Variants in RFX7 observed in about 807,000 individuals in gnomAD.
The protein encoded by RFX7 is regulatory factor X7, also known as DNA-binding protein RFX7.
Under a neutral mutation model 111.8 loss-of-function variants are expected in RFX7, and 26 were observed. The ratio of observed to expected loss-of-function variants is 0.23; its 90% CI spans 0.17 to 0.32. The LOEUF (loss-of-function observed/expected upper bound fraction) is 0.32, where lower values mean the gene tolerates loss of function less well. Among genes scored for constraint, RFX7 ranks in the 10% least tolerant of loss-of-function variants. The pLI is 1.00. For synonymous variants in RFX7, 624 were observed against 624.4 expected (o/e 1.00, Z 0.01); for missense variants, 1,573 against 1,772.9 (o/e 0.89, Z 2.02).
In RFX7 at chr15:56,177,813, T is replaced by C. The variant is rs561463972; in HGVS notation, c.195+1457A>G. Reference sequence around the variant, plus strand: ...TGATAAACATGAAATAATTACAGAATGACACATTAACAATGAGACTCTTAA... The same window carrying C: ...TGATAAACATGAAATAATTACAGAACGACACATTAACAATGAGACTCTTAA... On this transcript the variant is annotated intron_variant, in intron 3 of 9. Transcript: ENST00000559447. Among the ~76,000 whole-genome samples, 107 of 152,180 alleles carry C rather than the reference T, an allele frequency of 7.0e-4. No homozygotes were observed. In the South Asian group the frequency reaches 0.013, roughly 19 times the overall value.
chr15:56,095,527 G>A lies in RFX7; in HGVS notation c.2201C>T (p.Ser734Phe), dbSNP rs2041662161. 2 of 1,613,522 alleles carry A rather than the reference G, an allele frequency of 1.2e-6. No homozygotes were observed. The highest frequency in any genetic ancestry group is 4.5e-5 in the East Asian group (2 of 44,878). ...SHIGANQPLN[S>F]SALVISDSAL... ...TGAATCACTGATAACAAGGGCAGAGGAATTCAAGGGTTGATTTGCTCCTAT... is the reference window on the plus strand; with the variant it reads ...TGAATCACTGATAACAAGGGCAGAGAAATTCAAGGGTTGATTTGCTCCTAT... The change falls in exon 10 of 10, where the codon TCC becomes TTC. Residue 734 changes from serine (S) to phenylalanine (F), a missense_variant. Physicochemically the swap from Ser to Phe is radical, Grantham distance 155. This residue lies in a region of RFX7 where 625 missense variants were observed against 632.2 expected (regional missense o/e 0.99). Coordinates refer to ENST00000559447, the MANE Select transcript of RFX7 (RefSeq NM_022841.7).
At chr15:56,162,238 CAGGT>C (rs1221164559) in intron 3 of RFX7, among the ~76,000 whole-genome samples, 1 of 152,062 alleles carries the variant, frequency 6.6e-6, no homozygotes, top group Non-Finnish European at 1.5e-5. Context: ...CCTTAACAAA[CAGGT>C]AGGCCATTGA....
chr15:56,119,086 A>G (rs1250751278), intron 5 of RFX7, among the ~76,000 whole-genome samples: 1 of 152,182 alleles, frequency 6.6e-6, no homozygotes, highest in Non-Finnish European at 1.5e-5. Context: ...TATTCTGGTT[A>G]TTAATCCCTT....
rs145422963 is a variant in RFX7 at position 56,128,867 on chromosome 15, G to A, written c.401+13911C>T. 1.1e-3 allele frequency among the ~76,000 whole-genome samples: 174 copies of A among 151,762 alleles called. 1 individual carries two copies. The highest frequency in any genetic ancestry group is 3.9e-3 in the African/African-American group (161 of 41,374). On this transcript the variant is annotated intron_variant, in intron 5 of 9. Transcript: ENST00000559447. Reference sequence around the variant, plus strand: ...AAAGGTGAGCAAAATTGCAGGATACGAGATCAATATACAAAATCACTCTTA... The same window carrying A: ...AAAGGTGAGCAAAATTGCAGGATACAAGATCAATATACAAAATCACTCTTA...
chr15:56,135,997 C>T (rs1440166003), intron 5 of RFX7, among the ~76,000 whole-genome samples: 1 of 152,064 alleles, frequency 6.6e-6, no homozygotes, highest in East Asian at 1.9e-4. Flanking sequence ...GTACCAGTAC[C>T]ATGCTGTTTT....
chr15:56,228,478 T>C (rs1247066648), intron 2 of RFX7, among the ~76,000 whole-genome samples: 1 of 152,034 alleles, frequency 6.6e-6, no homozygotes, highest in African/African-American at 2.4e-5. Flanking sequence ...ATATGACAGA[T>C]TTTGGAATTA....
intron 2 of RFX7, among the ~76,000 whole-genome samples, chr15:56,213,105 T>G (rs557476790): frequency 1.3e-5 from 2 of 152,200 alleles, no homozygotes; most frequent in Non-Finnish European, 2.9e-5. Flanking sequence ...TGGAAAAGTT[T>G]TGCTATCCTT....
chr15:56,115,255 G>C (rs1422253318), intron 5 of RFX7, among the ~76,000 whole-genome samples: 3 of 152,154 alleles, frequency 2.0e-5, no homozygotes, highest in Admixed American at 2.0e-4. Context: ...CAGGTGATCT[G>C]CCTGCCTCGG....
rs1224719701 is a variant in RFX7 at position 56,243,740 on chromosome 15, TC to T, written c.-299del. 6.6e-6 allele frequency among the ~76,000 whole-genome samples: 1 copy of T among 150,768 alleles called. No homozygotes were observed. Among genetic ancestry groups the T allele is most frequent in the Non-Finnish European group, 1.5e-5 (1 of 67,620 alleles). The stretch of plus-strand genomic sequence containing the variant: ...GTCCCCGGGGCTTTCTACTGCCGGG[TC>T]CCCGTGCTGCTGCAGCCCCAGGCAC... On this transcript the variant is annotated 5_prime_UTR_variant, in exon 1 of 10. Coordinates refer to ENST00000559447, the MANE Select transcript of RFX7 (RefSeq NM_022841.7).
chr15:56,182,310 A>G (rs910988468), intron 2 of RFX7, among the ~76,000 whole-genome samples: 2 of 152,100 alleles, frequency 1.3e-5, no homozygotes, highest in Admixed American at 1.3e-4. Flanking sequence ...CAGAGTTATA[A>G]AGAAAATTGA....
intron 2 of RFX7, among the ~76,000 whole-genome samples, chr15:56,190,698 A>G (rs1287830903): frequency 6.6e-6 from 1 of 151,866 alleles, no homozygotes; most frequent in Non-Finnish European, 1.5e-5. Flanking sequence ...CTACTGAATC[A>G]GACAGCAGAA....
In RFX7 at chr15:56,088,722, C is replaced by A; in HGVS notation, c.*4623G>T. 6.6e-6 allele frequency: 1 copy of A among 152,038 alleles called. No individual in the cohort carries two copies. Among genetic ancestry groups the A allele is most frequent in the East Asian group, 1.9e-4 (1 of 5,194 alleles). The allele number at this position is 152,038 out of a possible 1,614,324, so 9.4% of individuals were successfully genotyped here. On this transcript the variant is annotated 3_prime_UTR_variant, in exon 10 of 10. Coordinates refer to ENST00000559447, the MANE Select transcript of RFX7 (RefSeq NM_022841.7). ...GATTTAACAAAATAAAAAGTTTGGT[C>A]TTTTCTTATGCTGTAGGAGCTGAGG... is the stretch of plus-strand genomic sequence containing the variant.
intron 5 of RFX7, among the ~76,000 whole-genome samples, chr15:56,142,291 C>A (rs2042411402): frequency 6.6e-6 from 1 of 152,126 alleles, no homozygotes; most frequent in African/African-American, 2.4e-5. Flanking sequence ...TGTGCAAGGA[C>A]AACTCTCTTG....
chr15:56,230,040 A>T (rs1202010983), intron 2 of RFX7, among the ~76,000 whole-genome samples: 3 of 152,162 alleles, frequency 2.0e-5, no homozygotes, highest in Non-Finnish European at 2.9e-5. Flanking sequence ...GCCATAACTC[A>T]AACAAGTTAT....
At chr15:56,173,190 T>G (rs1209796012) in intron 3 of RFX7, among the ~76,000 whole-genome samples, 3 of 152,092 alleles carry the variant, frequency 2.0e-5, no homozygotes, top group Admixed American at 2.0e-4. Flanking sequence ...AGATTTGGAA[T>G]TTGGAATCTA....
At chr15:56,179,231 TTATTGCAAAAGGA>T in intron 3 of RFX7, 26 bp downstream of exon 3, 1 of 1,039,652 alleles carries the variant, frequency 9.6e-7, no homozygotes, top group East Asian at 5.4e-5. Context: ...CATAAAAACC[TTATTGCAAAAGGA>T]TTTTAATATT....
rs764917109 is a variant in RFX7 at position 56,095,260 on chromosome 15, A to G, written c.2468T>C (p.Leu823Ser). Residue 823 changes from leucine to serine, a missense_variant, in exon 10 of 10, where the codon TTA becomes TCA. Transcript: ENST00000559447. ...INDLEKSVWE[L>S]EGMPQDTYSQ... Reference sequence around the variant, plus strand: ...ATATGTGTCCTGTGGCATTCCTTCTAATTCCCAAACAGATTTCTCTAAGTC... The same window carrying G: ...ATATGTGTCCTGTGGCATTCCTTCTGATTCCCAAACAGATTTCTCTAAGTC... 2 of 1,613,870 alleles carry G rather than the reference A, an allele frequency of 1.2e-6. No homozygotes were observed. Among genetic ancestry groups the G allele is most frequent in the South Asian group, 2.2e-5 (2 of 91,064 alleles).
rs2041637668 is a variant in RFX7 at position 56,094,152 on chromosome 15, A to G, written c.3576T>C (p.Asn1192=). 1 of 1,614,016 alleles carries G rather than the reference A, an allele frequency of 6.2e-7. No individual in the cohort carries two copies. The highest frequency in any genetic ancestry group is 1.3e-5 in the African/African-American group (1 of 75,048). The part of the protein sequence containing the change: ...LYPVSNIPRS[N]VTPFGSPVTP... Reference sequence around the variant, plus strand: ...TAACTGGACTTCCAAAGGGGGTCACATTAGATCGTGGGATATTAGATACTG... The same window carrying G: ...TAACTGGACTTCCAAAGGGGGTCACGTTAGATCGTGGGATATTAGATACTG... The change falls in exon 10 of 10, where the codon AAT becomes AAC. Residue 1192 remains asparagine (N), a synonymous_variant. Coordinates refer to ENST00000559447, the MANE Select transcript of RFX7 (RefSeq NM_022841.7).
At chr15:56,162,914 G>C (rs1283522426) in intron 3 of RFX7, among the ~76,000 whole-genome samples, 5 of 151,928 alleles carry the variant, frequency 3.3e-5, no homozygotes, top group Non-Finnish European at 5.9e-5. Flanking sequence ...TAAGTGAATA[G>C]AAAGAAAAAA....
Sources: gnomAD v4.1 joint callset for allele counts (sites outside exome capture counted in the v4.1 genomes callset) on GRCh38, gnomAD v4.1.1 for gene constraint, gnomAD v4.1.1 regional missense constraint, MANE v1.5 for transcripts, NCBI Gene and HGNC (gene_info 2026-07-23, HGNC 2026-07-21) for gene names.